JHY: variants seen among roughly 807,000 people sequenced by gnomAD.
JHY encodes jhy protein homolog.
A neutral mutation model predicts 78.0 loss-of-function variants in JHY; 69 were observed. The observed-to-expected ratio is 0.88, with a 90% CI of 0.73 to 1.08. JHY has a LOEUF of 1.08. Among genes scored for constraint, JHY ranks in the 50% least tolerant of loss-of-function variants. The probability of loss-of-function intolerance (pLI) is 0.00; values close to 1 mark genes in which losing one functional copy is unlikely to be tolerated. For missense variants in JHY, 944 were observed against 927.8 expected (o/e 1.02, Z -0.23); for synonymous variants, 368 against 342.6 (o/e 1.07, Z -0.82).
intron 6 of JHY, among the ~76,000 whole-genome samples, chr11:122,949,854 T>TG (rs2135376880): frequency 6.6e-6 from 1 of 151,290 alleles, no homozygotes; most frequent in East Asian, 1.9e-4. Context: ...TTTTTTTTTT[T>TG]GAGACAGAAT....
intron 5 of JHY, among the ~76,000 whole-genome samples, chr11:122,939,090 C>T (rs1173855879): frequency 6.6e-6 from 1 of 151,408 alleles, no homozygotes; most frequent in Non-Finnish European, 1.5e-5. Flanking sequence ...CGGGTTCAAG[C>T]GATTCTCCTG....
chr11:122,921,025 G>C (rs1863352157), intron 3 of JHY, among the ~76,000 whole-genome samples: 1 of 146,432 alleles, frequency 6.8e-6, no homozygotes, highest in South Asian at 2.2e-4. Flanking sequence ...GGTATTAATA[G>C]AATGGTTCAC....
At position 122,946,613 on chromosome 11, in the gene JHY, A is replaced by C; in HGVS notation, c.1750A>C (p.Ser584Arg). 1 of 1,614,138 alleles carries C rather than the reference A, an allele frequency of 6.2e-7. No individual in the cohort carries two copies. The highest frequency in any genetic ancestry group is 8.5e-7 in the Non-Finnish European group (1 of 1,180,024). Reference protein sequence around the residue: ...ALVQLTDVQPSEGALSSVTLP... With the variant: ...ALVQLTDVQPREGALSSVTLP... Reference sequence around the variant, plus strand: ...GGTGCAGCTGACCGACGTGCAGCCCAGTGAAGGGGCCTTATCCAGCGTCAC... The same window carrying C: ...GGTGCAGCTGACCGACGTGCAGCCCCGTGAAGGGGCCTTATCCAGCGTCAC... Residue 584 changes from serine (S) to arginine (R), a missense_variant, in exon 6 of 9, where the codon AGT becomes CGT. Transcript: ENST00000227349.
At chr11:122,938,355 G>C (rs1863800692) in intron 5 of JHY, among the ~76,000 whole-genome samples, 1 of 151,928 alleles carries the variant, frequency 6.6e-6, no homozygotes, top group Admixed American at 6.6e-5. Flanking sequence ...CTCAGTCCTA[G>C]CTTCCAGCCT....
chr11:122,901,852 G>A (rs1239325706), intron 2 of JHY, among the ~76,000 whole-genome samples: 5 of 149,080 alleles, frequency 3.4e-5, no homozygotes, highest in African/African-American at 5.0e-5. Flanking sequence ...CAGCCTGGGC[G>A]AAAGAGCGAG....
Position 122,961,577 on chromosome 11 carries a change from A to G in JHY, c.*2132A>G, listed in dbSNP as rs965171702. ...GCCATGTTGACCAGGCTGGTCTTGA[A>G]CTCCTGATCTCAGGTGATCCGCCCA... On this transcript the variant is annotated 3_prime_UTR_variant, in exon 9 of 9. Transcript: ENST00000227349. 2.0e-5 allele frequency among the ~76,000 whole-genome samples: 3 copies of G among 151,486 alleles called. No individual in the cohort carries two copies. The highest frequency in any genetic ancestry group is 6.6e-5 in the Admixed American group (1 of 15,202).
chr11:122,919,527 A>C (rs1392031272), intron 3 of JHY, among the ~76,000 whole-genome samples: 1 of 152,172 alleles, frequency 6.6e-6, no homozygotes, highest in African/African-American at 2.4e-5. Context: ...CTGAAGAAGT[A>C]GACAGGAACC....
chr11:122,905,396 C>G, intron 3 of JHY: 1 of 1,468,038 alleles, frequency 6.8e-7, no homozygotes, highest in Non-Finnish European at 9.0e-7. Flanking sequence ...TTTTCAAATA[C>G]AAAGGAGAGG....
At chr11:122,913,961 A>G (rs1001845736) in intron 3 of JHY, among the ~76,000 whole-genome samples, 12 of 152,246 alleles carry the variant, frequency 7.9e-5, no homozygotes, top group African/African-American at 2.9e-4. Context: ...GGGATTAACA[A>G]GAACTTGTGC....
rs182950648 is a variant in JHY at position 122,946,446 on chromosome 11, T to G, written c.1635-52T>G. On this transcript the variant is annotated intron_variant, in intron 5 of 8. Transcript: ENST00000227349. ...CATAAAGACTTTTATGCTAGATGTCTTATGTATTTGGATTTTATTAATAGA... is the reference window on the plus strand; with the variant it reads ...CATAAAGACTTTTATGCTAGATGTCGTATGTATTTGGATTTTATTAATAGA... 1.1e-3 allele frequency: 1,602 copies of G among 1,512,830 alleles called. 23 individuals carry two copies. In the South Asian group the frequency reaches 0.019, roughly 18 times the overall value. The allele number at this position is 1,512,830 out of a possible 1,614,324, so 93.7% of individuals were successfully genotyped here. A position where few individuals can be genotyped will look rare whatever the true frequency, so the allele number is the denominator to read the frequency against.
Position 122,917,633 on chromosome 11 carries a change from G to T in JHY, c.865-7264G>T, listed in dbSNP as rs913097585. Among the ~76,000 whole-genome samples the T allele has an allele frequency of 6.6e-6, 1 of 152,178 alleles. No homozygotes were observed. Among genetic ancestry groups the T allele is most frequent in the East Asian group, 1.9e-4 (1 of 5,200 alleles). ...TTAAAACCCCTATGTTAAAATGTTA[G>T]GCCTTTCCTCTAAGTCATCTGAATT... On this transcript the variant is annotated intron_variant, in intron 3 of 8. Coordinates refer to ENST00000227349, the MANE Select transcript of JHY (RefSeq NM_024806.4). This position sits in a 1 kb window ranked among gnomAD's most constrained non-coding sequence, Gnocchi z 4.1.
intron 5 of JHY, among the ~76,000 whole-genome samples, chr11:122,936,342 C>T (rs1055414151): frequency 6.6e-6 from 1 of 151,884 alleles, no homozygotes; most frequent in Non-Finnish European, 1.5e-5. Context: ...TTAAGTGTCA[C>T]ACTTGGTGAT....
rs1863104430 is a variant in JHY, at chr11:122,910,812, A to G, written c.864+6368A>G. On this transcript the variant is annotated intron_variant, in intron 3 of 8. Coordinates refer to ENST00000227349, the MANE Select transcript of JHY (RefSeq NM_024806.4). ...GTAATTAATGGCTTAGGGTAGAACT[A>G]TTGATTTTTAAAGTCAATTGTTCTA... Among the ~76,000 whole-genome samples, 6 of 152,212 alleles carry G rather than the reference A, an allele frequency of 3.9e-5. No homozygotes were observed. The South Asian group carries it at 1.2e-3, about 31-fold the overall frequency.
At chr11:122,906,230 C>T (rs923632756) in intron 3 of JHY, among the ~76,000 whole-genome samples, 1 of 152,164 alleles carries the variant, frequency 6.6e-6, no homozygotes, top group Non-Finnish European at 1.5e-5. Flanking sequence ...GCCTTTCACC[C>T]AAGCTGGAAT....
Position 122,921,178 on chromosome 11 carries a change from A to T in JHY, c.865-3719A>T, listed in dbSNP as rs79244646. Among the ~76,000 whole-genome samples, 369 of 152,276 alleles carry T rather than the reference A, an allele frequency of 2.4e-3. 1 individual carries two copies. Among genetic ancestry groups the T allele is most frequent in the African/African-American group, 8.5e-3 (352 of 41,544 alleles). ...CCAAAACAGCCTGTGGAGGGAAATA[A>T]TGTATATCCTACATTTTCTGGAATA... On this transcript the variant is annotated intron_variant, in intron 3 of 8. Coordinates refer to ENST00000227349, the MANE Select transcript of JHY (RefSeq NM_024806.4).
intron 5 of JHY, among the ~76,000 whole-genome samples, chr11:122,937,669 G>T (rs112729309): frequency 6.6e-6 from 1 of 152,150 alleles, no homozygotes; most frequent in Non-Finnish European, 1.5e-5. Context: ...ACTGCGTTCC[G>T]CTGTTGTTGT....
intron 5 of JHY, among the ~76,000 whole-genome samples, chr11:122,936,381 G>C (rs1443743480): frequency 6.6e-6 from 1 of 151,238 alleles, no homozygotes; most frequent in African/African-American, 2.4e-5. Flanking sequence ...AAGATTTAAA[G>C]TTAGCTTCCT....
intron 4 of JHY, among the ~76,000 whole-genome samples, chr11:122,929,980 A>G (rs1358684325): frequency 1.3e-5 from 2 of 152,228 alleles, no homozygotes; most frequent in Admixed American, 6.5e-5. Flanking sequence ...GGAACGCTCT[A>G]TGGCAGGGGA....
chr11:122,932,845 C>G (rs907055467), intron 4 of JHY, among the ~76,000 whole-genome samples: 4 of 152,106 alleles, frequency 2.6e-5, no homozygotes, highest in Admixed American at 6.5e-5. Context: ...GAAGGAATAC[C>G]TAGAATTTAC....
Sources: gnomAD v4.1 joint callset for allele counts (sites outside exome capture counted in the v4.1 genomes callset) on GRCh38, gnomAD v4.1.1 for gene constraint, Gnocchi (gnomAD v3.1) non-coding constraint, MANE v1.5 for transcripts, NCBI Gene and HGNC (gene_info 2026-07-23, HGNC 2026-07-21) for gene names.